EPB41L4A: variants seen among roughly 807,000 people sequenced by gnomAD.
The protein encoded by EPB41L4A is band 4.1-like protein 4A.
EPB41L4A carries 100 observed loss-of-function variants against 108.6 expected under a neutral mutation model. That is an observed-to-expected ratio of 0.92 (90% CI 0.78 to 1.09). EPB41L4A has a LOEUF of 1.09. Among genes scored for constraint, EPB41L4A ranks in the 50% least tolerant of loss-of-function variants. EPB41L4A has a pLI of 0.00. For synonymous variants in EPB41L4A, 319 were observed against 289.0 expected (o/e 1.10, Z -1.05); for missense variants, 1,030 against 842.7 (o/e 1.22, Z -2.75).
At chr5:112,176,543 C>T (rs565128322) in intron 18 of EPB41L4A, among the ~76,000 whole-genome samples, 2 of 152,182 alleles carry the variant, frequency 1.3e-5, no homozygotes, top group African/African-American at 4.8e-5. Context: ...CTCAGAAACT[C>T]AATGTCATCC....
At chr5:112,222,749 C>T (rs1748155532) in intron 12 of EPB41L4A, among the ~76,000 whole-genome samples, 1 of 152,208 alleles carries the variant, frequency 6.6e-6, no homozygotes, top group African/African-American at 2.4e-5. Flanking sequence ...CTGGACTGCA[C>T]ATCATCTTTT....
intron 6 of EPB41L4A, chr5:112,263,388 G>C (rs1286137975): frequency 6.6e-6 from 1 of 152,094 alleles, no homozygotes; most frequent in Non-Finnish European, 1.5e-5. Context: ...CCATACTTTT[G>C]AAATCCATGA....
chr5:112,233,028 G>C (rs1422038895), intron 12 of EPB41L4A, among the ~76,000 whole-genome samples: 8 of 152,104 alleles, frequency 5.3e-5, no homozygotes, highest in Admixed American at 5.2e-4. Flanking sequence ...TTTTATTAAA[G>C]ACACAGTGTC....
intron 1 of EPB41L4A, among the ~76,000 whole-genome samples, chr5:112,369,702 G>C (rs1759361948): frequency 1.3e-5 from 2 of 152,200 alleles, no homozygotes; most frequent in African/African-American, 4.8e-5. Flanking sequence ...GAAGCAGGAG[G>C]AACTTGGTGA....
At chr5:112,184,194 C>G in intron 17 of EPB41L4A, 59 bp from the exon 18 acceptor site, 1 of 1,582,430 alleles carries the variant, frequency 6.3e-7, no homozygotes, top group African/African-American at 1.4e-5. Context: ...GTTTTAGGTT[C>G]ATCCTAAACT....
chr5:112,232,495 G>A (rs1177998061), intron 12 of EPB41L4A, among the ~76,000 whole-genome samples: 1 of 152,138 alleles, frequency 6.6e-6, no homozygotes, highest in Non-Finnish European at 1.5e-5. Context: ...CCACCAGAAA[G>A]AACTTTATTT....
intron 2 of EPB41L4A, among the ~76,000 whole-genome samples, chr5:112,288,369 A>G (rs938090831): frequency 6.6e-6 from 1 of 152,200 alleles, no homozygotes; most frequent in Non-Finnish European, 1.5e-5. Flanking sequence ...CAGAGATACT[A>G]CAAACTGAAA....
At chr5:112,230,716 C>A (rs1206628285) in intron 12 of EPB41L4A, among the ~76,000 whole-genome samples, 9 of 152,186 alleles carry the variant, frequency 5.9e-5, no homozygotes, top group Admixed American at 5.2e-4. Context: ...TGTGCAGAAG[C>A]TTTTCAGTTT....
intron 8 of EPB41L4A, among the ~76,000 whole-genome samples, chr5:112,259,628 C>G (rs73229379): frequency 6.6e-6 from 1 of 152,186 alleles, no homozygotes; most frequent in Non-Finnish European, 1.5e-5. Flanking sequence ...GGATCCACAG[C>G]CCACCAGCAC....
At chr5:112,322,303 A>C (rs1325613689) in intron 1 of EPB41L4A, among the ~76,000 whole-genome samples, 1 of 152,216 alleles carries the variant, frequency 6.6e-6, no homozygotes, top group East Asian at 1.9e-4. Flanking sequence ...ATACGCATAC[A>C]GAGCCAGGAT....
chr5:112,184,983 C>G (rs765942120), intron 17 of EPB41L4A, among the ~76,000 whole-genome samples: 2 of 152,124 alleles, frequency 1.3e-5, no homozygotes, highest in Non-Finnish European at 2.9e-5. Context: ...TTTTGGACTT[C>G]CGAGGTATCA....
intron 1 of EPB41L4A, among the ~76,000 whole-genome samples, chr5:112,368,060 G>A (rs1438495128): frequency 6.6e-6 from 1 of 152,160 alleles, no homozygotes; most frequent in East Asian, 1.9e-4. Context: ...CTACTTGAGG[G>A]AAAAATAACT....
intron 15 of EPB41L4A, among the ~76,000 whole-genome samples, chr5:112,196,127 C>T (rs17134225): frequency 2.6e-5 from 4 of 152,020 alleles, no homozygotes; most frequent in Non-Finnish European, 5.9e-5. Flanking sequence ...CTCATACTTA[C>T]GACTTTATCA....
At chr5:112,156,293 T>A (rs914125823) in intron 12 of EPB41L4A, among the ~76,000 whole-genome samples, 1 of 151,998 alleles carries the variant, frequency 6.6e-6, no homozygotes, top group Non-Finnish European at 1.5e-5. Context: ...GCTGAAACAT[T>A]AGGAGTATTG....
In EPB41L4A at chr5:112,244,414, A is replaced by G. The variant is rs1464441626; in HGVS notation, c.796-3604T>C. On this transcript the variant is annotated intron_variant, in intron 9 of 22. Transcript: ENST00000261486. ...GGGGTTCATTGTCACGCATTGAGAAAGAATTCAGGTGGGTTAAGGGGTGGA... is the reference window on the plus strand; with the variant it reads ...GGGGTTCATTGTCACGCATTGAGAAGGAATTCAGGTGGGTTAAGGGGTGGA... Among the ~76,000 whole-genome samples the G allele has an allele frequency of 2.0e-5, 3 of 152,196 alleles. No individual in the cohort carries two copies. In the East Asian group the frequency reaches 5.8e-4, roughly 29 times the overall value.
At chr5:112,280,416 T>A in intron 2 of EPB41L4A, 93 bp from the exon 3 acceptor site, 1 of 1,186,126 alleles carries the variant, frequency 8.4e-7, no homozygotes, top group South Asian at 1.2e-5. Flanking sequence ...TTAAACAACA[T>A]TTTAAAACTT....
At chr5:112,267,632 T>C (rs1331410729) in intron 4 of EPB41L4A, among the ~76,000 whole-genome samples, 1 of 151,874 alleles carries the variant, frequency 6.6e-6, no homozygotes, top group Non-Finnish European at 1.5e-5. Flanking sequence ...TATACTTCTC[T>C]CCATCCCCTA....
intron 3 of EPB41L4A, among the ~76,000 whole-genome samples, chr5:112,277,628 A>G (rs754959658): frequency 1.3e-5 from 2 of 152,202 alleles, no homozygotes; most frequent in Admixed American, 6.5e-5. Flanking sequence ...AAAGTTTGCT[A>G]TCATCTAGGG....
chr5:112,271,055 C>T (rs1341430050), intron 4 of EPB41L4A, among the ~76,000 whole-genome samples: 1 of 152,154 alleles, frequency 6.6e-6, no homozygotes, highest in Non-Finnish European at 1.5e-5. Context: ...CAGACTGAAA[C>T]CAGATCTTGC....
Sources: allele counts gnomAD v4.1 joint callset (sites outside exome capture counted in the v4.1 genomes callset), GRCh38; gene constraint gnomAD v4.1.1; transcripts MANE v1.5; gene names NCBI Gene and HGNC (gene_info 2026-07-23, HGNC 2026-07-21).